Variants in LRP2 observed in about 807,000 individuals in gnomAD.
The protein encoded by LRP2 is LDL receptor related protein 2.
Under a neutral mutation model 531.0 loss-of-function variants are expected in LRP2, and 172 were observed. That is an observed-to-expected ratio of 0.32 (90% confidence interval 0.29 to 0.37). The LOEUF is 0.37. Among genes scored for constraint, LRP2 ranks in the 10% least tolerant of loss-of-function variants. The probability of loss-of-function intolerance (pLI) is 1.00; values close to 1 mark genes in which losing one functional copy is unlikely to be tolerated. For missense variants in LRP2, 5,167 were observed against 5,868.3 expected (o/e 0.88, Z 3.90); for synonymous variants, 1,992 against 2,027.6 (o/e 0.98, Z 0.47).
chr2:169,205,345 A>G, intron 41 of LRP2, 134 bp downstream of exon 41: 1 of 970,460 alleles, frequency 1.0e-6, no homozygotes, highest in Non-Finnish European at 1.6e-6. Flanking sequence ...CATAGTTCCT[A>G]AAACTGTGAT....
intron 38 of LRP2, among the ~76,000 whole-genome samples, chr2:169,207,559 T>C (rs1688441189): frequency 6.6e-6 from 1 of 152,222 alleles, no homozygotes; most frequent in African/African-American, 2.4e-5. Flanking sequence ...TCCCTCCTTT[T>C]CTATCTGAAG....
intron 43 of LRP2, 61 bp downstream of exon 43, chr2:169,202,695 C>T: frequency 6.5e-7 from 1 of 1,541,946 alleles, no homozygotes; most frequent in Non-Finnish European, 9.0e-7. Context: ...GGATTCCATA[C>T]CAAACACTTG....
At position 169,288,793 on chromosome 2, in the gene LRP2, G is replaced by A. The variant is rs16856745; in HGVS notation, c.1042+233C>T. ...TCATCAAGTAATGGATAGGTTCCAG[G>A]TAGCTAGTCAACTCGCTCATGACAG... On this transcript the variant is annotated intron_variant, in intron 9 of 78. Coordinates refer to ENST00000649046, the MANE Select transcript of LRP2 (RefSeq NM_004525.3). Among the ~76,000 whole-genome samples the A allele has an allele frequency of 7.3e-3, 1,113 of 152,310 alleles. 15 individuals are homozygous for A. The highest frequency in any genetic ancestry group is 0.025 in the African/African-American group (1,053 of 41,570).
intron 63 of LRP2, among the ~76,000 whole-genome samples, chr2:169,158,061 T>TACACACACACAC (rs61381788): frequency 0.011 from 1,531 of 141,442 alleles, 16 homozygotes; most frequent in East Asian, 0.045. Context: ...ATTGATTATA[T>TACACACACACAC]ACACACACAC....
At chr2:169,194,398 G>T (rs1216880933) in intron 46 of LRP2, among the ~76,000 whole-genome samples, 3 of 152,170 alleles carry the variant, frequency 2.0e-5, no homozygotes, top group East Asian at 3.9e-4. Context: ...GCTCCATGTG[G>T]GTAGGGATTG....
intron 1 of LRP2, among the ~76,000 whole-genome samples, chr2:169,333,753 T>C (rs1685328567): frequency 6.6e-6 from 1 of 152,150 alleles, no homozygotes. Context: ...CCCTACTGGA[T>C]TGCTTTTAAC....
In LRP2 at chr2:169,350,016, C is replaced by T. The variant is rs188619774; in HGVS notation, c.79+12305G>A. Among the ~76,000 whole-genome samples, 55 of 152,172 alleles carry T rather than the reference C, an allele frequency of 3.6e-4. No homozygotes were observed. The East Asian group carries it at 9.5e-3, about 26-fold the overall frequency. On this transcript the variant is annotated intron_variant, in intron 1 of 78. Transcript: ENST00000649046. The stretch of plus-strand genomic sequence containing the variant: ...TCAGTATGGAAGCCATTGCAATCGT[C>T]GAGGCAAGAGAGGGCAGTCGGTTGA...
In LRP2 at chr2:169,294,208, G is replaced by C; in HGVS notation, c.592C>G (p.Arg198Gly). 1 of 1,613,882 alleles carries C rather than the reference G, an allele frequency of 6.2e-7. No homozygotes were observed. Among genetic ancestry groups the C allele is most frequent in the Non-Finnish European group, 8.5e-7 (1 of 1,179,854 alleles). ...FSCGNGECIP[R>G]AYVCDHDNDC... The stretch of plus-strand genomic sequence containing the variant: ...TTGTCATGGTCACAGACATAAGCAC[G>C]AGGGATACACTCTCCATTGCCACAT... Residue 198 changes from arginine (R) to glycine (G), a missense_variant, in exon 6 of 79, where the codon CGT (arginine) becomes GGT (glycine). By Grantham distance (125) the Arg-to-Gly change is moderately radical (BLOSUM62 -2). Around this residue, in one of 6 missense-constraint regions of LRP2, gnomAD observed 2,811 missense variants for 3,058.0 expected, o/e 0.92. Coordinates refer to ENST00000649046, the MANE Select transcript of LRP2 (RefSeq NM_004525.3).
intron 1 of LRP2, among the ~76,000 whole-genome samples, chr2:169,353,816 C>T (rs150231661): frequency 3.0e-4 from 45 of 152,224 alleles, no homozygotes; most frequent in African/African-American, 1.0e-3. Context: ...CATGGAGAAA[C>T]CTCATCTCTA....
At chr2:169,231,987 T>C (rs1689424234) in intron 30 of LRP2, 145 bp from the exon 31 acceptor site, 2 of 991,474 alleles carry the variant, frequency 2.0e-6, no homozygotes, top group Non-Finnish European at 3.1e-6. Context: ...TCTTTTGTTT[T>C]GTTTTCACTG....
intron 34 of LRP2, among the ~76,000 whole-genome samples, chr2:169,218,940 C>CA (rs886216213): frequency 2.6e-5 from 4 of 151,974 alleles, no homozygotes; most frequent in African/African-American, 9.7e-5. Flanking sequence ...ATATAAAAGA[C>CA]AAAAAAATTT....
intron 1 of LRP2, among the ~76,000 whole-genome samples, chr2:169,322,402 T>A (rs1161846853): frequency 1.3e-5 from 2 of 152,162 alleles, no homozygotes; most frequent in African/African-American, 4.8e-5. Context: ...TGGTACCGAG[T>A]GGTACAGGAG....
chr2:169,294,476 G>T, intron 5 of LRP2, 124 bp downstream of exon 5: 1 of 810,610 alleles, frequency 1.2e-6, no homozygotes, highest in Non-Finnish European at 2.1e-6. Context: ...ACCAACGGCT[G>T]ACTTCAAACT....
At chr2:169,139,738 C>A in intron 72 of LRP2, 128 bp from the exon 73 acceptor site, 1 of 826,746 alleles carries the variant, frequency 1.2e-6, no homozygotes, top group Non-Finnish European at 2.1e-6. Flanking sequence ...ACAATGTATC[C>A]TGCATGACTT....
chr2:169,240,702 C>A (rs1689772982), intron 25 of LRP2: 2 of 560,078 alleles, frequency 3.6e-6, no homozygotes, highest in South Asian at 2.6e-5. Context: ...CCAACAGAAC[C>A]AAATTTAATT....
At chr2:169,325,252 G>A (rs535558715) in intron 1 of LRP2, among the ~76,000 whole-genome samples, 192 of 152,180 alleles carry the variant, frequency 1.3e-3, no homozygotes, top group African/African-American at 4.1e-3. Flanking sequence ...CTATTTCCCC[G>A]CTAGATCCTC....
rs1335189830 is a variant in LRP2, at chr2:169,283,012, G to A, written c.1043-11C>T. The A allele has an allele frequency of 4.3e-6, 7 of 1,613,686 alleles. No individual in the cohort carries two copies. The highest frequency in any genetic ancestry group is 5.9e-6 in the Non-Finnish European group (7 of 1,179,786). ...GGCAATCATCAAACTCTGCCATATG[G>A]AAAATACACATTTGTAGTCAAGGTT... is the stretch of plus-strand genomic sequence containing the variant. On this transcript the variant is annotated splice_polypyrimidine_tract_variant and intron_variant, in intron 9 of 78. Coordinates refer to ENST00000649046, the MANE Select transcript of LRP2 (RefSeq NM_004525.3).
At position 169,289,238 on chromosome 2, in the gene LRP2, GTA is replaced by G; in HGVS notation, c.923-95_923-94del. ...TTCTTTTTCCATGAGTAGCAGCTCA[GTA>G]AGCATGAAGTAGATGTACAGAAAAA... is the stretch of plus-strand genomic sequence containing the variant. On this transcript the variant is annotated intron_variant, in intron 8 of 78. Coordinates refer to ENST00000649046, the MANE Select transcript of LRP2 (RefSeq NM_004525.3). 3 of 1,496,726 alleles carry G rather than the reference GTA, an allele frequency of 2.0e-6. No individual in the cohort carries two copies. The South Asian group carries it at 3.4e-5, about 17-fold the overall frequency. The allele number at this position is 1,496,726 out of a possible 1,614,324, so 92.7% of individuals were successfully genotyped here.
intron 32 of LRP2, 42 bp downstream of exon 32, chr2:169,226,380 T>C (rs552243223): frequency 3.9e-6 from 6 of 1,538,526 alleles, no homozygotes; most frequent in African/African-American, 1.4e-5. Context: ...GGCAGGCTCT[T>C]CAAGAATAAA....
Sources: allele counts gnomAD v4.1 joint callset (sites outside exome capture counted in the v4.1 genomes callset), GRCh38; gene constraint gnomAD v4.1.1; regional missense constraint gnomAD v4.1.1; transcripts MANE v1.5; gene names NCBI Gene and HGNC (gene_info 2026-07-23, HGNC 2026-07-21).